The following CPB1 variants were observed in gnomAD, a reference collection of about 807,000 sequenced individuals.
CPB1 encodes the protein carboxypeptidase B1, also known as carboxypeptidase B.
In CPB1, 53 loss-of-function variants were observed where a neutral mutation model predicts 51.4. That is an observed-to-expected ratio of 1.03 (90% CI 0.83 to 1.30). The LOEUF (loss-of-function observed/expected upper bound fraction) is 1.30. Ranked by LOEUF, CPB1 falls within the 50% of genes most tolerant of loss-of-function variation. CPB1 has a pLI of 0.00. For synonymous variants in CPB1, 189 were observed against 186.9 expected (o/e 1.01, Z -0.09); for missense variants, 494 against 516.2 (o/e 0.96, Z 0.42).
intron 9 of CPB1, among the ~76,000 whole-genome samples, chr3:148,847,082 T>C (rs1482774345): frequency 2.7e-5 from 4 of 149,934 alleles, no homozygotes; most frequent in African/African-American, 9.8e-5. Flanking sequence ...TACTAATGAG[T>C]TAATTAAAAT....
intron 10 of CPB1, among the ~76,000 whole-genome samples, chr3:148,857,789 C>T (rs1713625874): frequency 1.3e-5 from 2 of 151,996 alleles, no homozygotes; most frequent in South Asian, 4.2e-4. Context: ...ATCCCAGCTA[C>T]TCAGGAGGCT....
At chr3:148,845,760 T>C (rs1001091780) in intron 9 of CPB1, 134 bp downstream of exon 9, 1 of 682,740 alleles carries the variant, frequency 1.5e-6, no homozygotes, top group African/African-American at 1.8e-5. Flanking sequence ...ATTGAAAAAC[T>C]TATTACAGAT....
chr3:148,855,546 T>G (rs888061672), intron 9 of CPB1: 1 of 152,234 alleles, frequency 6.6e-6, no homozygotes, highest in African/African-American at 2.4e-5. Context: ...TTTGGTTTTG[T>G]CTGAAAACTG....
At chr3:148,856,262 T>C (rs1418520204) in intron 9 of CPB1, 4 of 152,174 alleles carry the variant, frequency 2.6e-5, no homozygotes, top group African/African-American at 9.7e-5. Context: ...GAACAGAAAA[T>C]AATGAGTTAC....
chr3:148,832,774 T>C (rs1266007858), intron 2 of CPB1, among the ~76,000 whole-genome samples: 1 of 152,140 alleles, frequency 6.6e-6, no homozygotes, highest in East Asian at 1.9e-4. Context: ...CTTTTCCCAG[T>C]TCTACAGGAA....
At chr3:148,840,625 T>C in intron 3 of CPB1, 61 bp from the exon 4 acceptor site, 1 of 1,416,146 alleles carries the variant, frequency 7.1e-7, no homozygotes, top group Non-Finnish European at 1.0e-6. Flanking sequence ...GGGTTTTATG[T>C]GTGTTCACTG....
chr3:148,849,395 T>C (rs374821993), intron 9 of CPB1, among the ~76,000 whole-genome samples: 31 of 152,190 alleles, frequency 2.0e-4, no homozygotes, highest in African/African-American at 7.5e-4. Flanking sequence ...ACAATGAATT[T>C]AGATTTCCAA....
rs1192396625 is a variant in CPB1 at position 148,840,715 on chromosome 3, T to C, written c.302T>C (p.Val101Ala). 4 of 1,614,132 alleles carry C rather than the reference T, an allele frequency of 2.5e-6. No homozygotes were observed. Among genetic ancestry groups the C allele is most frequent in the Non-Finnish European group, 2.5e-6 (3 of 1,179,998 alleles). ...KVLISNLRNVVEAQFDSRVRA... is the reference protein window; with the variant it reads ...KVLISNLRNVAEAQFDSRVRA... ...CTGATAAGCAACCTGAGAAATGTGG[T>C]GGAGGCTCAGTTTGATAGCCGGGTT... Residue 101 changes from valine (V) to alanine (A), a missense_variant, in exon 4 of 11, where the codon GTG (valine) becomes GCG (alanine). Transcript: ENST00000282957.
intron 3 of CPB1, 140 bp from the exon 4 acceptor site, chr3:148,840,546 G>T (rs1713044286): frequency 2.8e-6 from 2 of 703,180 alleles, no homozygotes; most frequent in Non-Finnish European, 5.0e-6. Context: ...AGGTCATCAG[G>T]AAGAACCAGA....
chr3:148,841,862 G>A lies in CPB1; in HGVS notation c.514G>A (p.Asp172Asn). 1 of 1,613,998 alleles carries A rather than the reference G, an allele frequency of 6.2e-7. No individual in the cohort carries two copies. The highest frequency in any genetic ancestry group is 2.2e-5 in the East Asian group (1 of 44,870). ...ACAAAATAAGCCTGCCATTTTCATG[G>A]ACTGTGGTTTCCATGCCAGAGAGTG... Reference protein sequence around the residue: ...AGQNKPAIFMDCGFHAREWIS... With the variant: ...AGQNKPAIFMNCGFHAREWIS... Residue 172 changes from aspartate to asparagine, a missense_variant, in exon 6 of 11, where the codon GAC (aspartate) becomes AAC (asparagine). Physicochemically the swap from Asp to Asn is conservative, Grantham distance 23 (BLOSUM62 1). Coordinates refer to ENST00000282957, the MANE Select transcript of CPB1 (RefSeq NM_001871.3).
At chr3:148,828,778 G>T (rs1486505702) in intron 2 of CPB1, among the ~76,000 whole-genome samples, 1 of 152,066 alleles carries the variant, frequency 6.6e-6, no homozygotes, top group African/African-American at 2.4e-5. Flanking sequence ...AAAATAATCT[G>T]CTAGCTTATA....
intron 3 of CPB1, among the ~76,000 whole-genome samples, chr3:148,839,447 C>A (rs1287357922): frequency 2.0e-5 from 3 of 152,182 alleles, no homozygotes; most frequent in Non-Finnish European, 2.9e-5. Flanking sequence ...AATACACTCA[C>A]AAAGCATTGG....
intron 8 of CPB1, 129 bp downstream of exon 8, chr3:148,844,896 C>T (rs992538268): frequency 2.6e-6 from 2 of 778,616 alleles, no homozygotes; most frequent in East Asian, 2.7e-5. Flanking sequence ...TCTAAAAGCA[C>T]CAAAAAAAAA....
chr3:148,845,628 T>G lies in CPB1; in HGVS notation c.981+2T>G, dbSNP rs866231841. On this transcript the variant is annotated splice_donor_variant, in intron 9 of 10. Transcript: ENST00000282957. LOFTEE classifies it high-confidence loss of function. ...CTCGGTGAGAACAATGCTGAGTTGG[T>G]AAGTAGCAAAGTAGTAGGTATGACA... The G allele has an allele frequency of 5.0e-6, 8 of 1,609,476 alleles. No homozygotes were observed. Among genetic ancestry groups the G allele is most frequent in the Non-Finnish European group, 6.8e-6 (8 of 1,175,856 alleles).
In CPB1 at chr3:148,845,522, A is replaced by G. The variant is rs1409697431; in HGVS notation, c.877A>G (p.Lys293Glu). 1 of 1,613,944 alleles carries G rather than the reference A, an allele frequency of 6.2e-7. No individual in the cohort carries two copies. The highest frequency in any genetic ancestry group is 8.5e-7 in the Non-Finnish European group (1 of 1,179,868). The change falls in exon 9 of 11, where the codon AAA (lysine) becomes GAA (glutamate). Residue 293 changes from lysine (K) to glutamate (E), a missense_variant. Transcript: ENST00000282957. ...TKALADFIRNKLSSIKAYLTI... is the reference protein window; with the variant it reads ...TKALADFIRNELSSIKAYLTI... ...GGCCCTGGCTGATTTCATCCGCAAC[A>G]AACTCTCTTCCATCAAGGCATATCT...
intron 3 of CPB1, 133 bp from the exon 4 acceptor site, chr3:148,840,553 C>G: frequency 1.4e-6 from 1 of 730,928 alleles, no homozygotes; most frequent in South Asian, 1.7e-5. Flanking sequence ...CAGGAAGAAC[C>G]AGAGGACAAC....
intron 10 of CPB1, among the ~76,000 whole-genome samples, chr3:148,858,189 C>T (rs1484229489): frequency 6.6e-6 from 1 of 152,142 alleles, no homozygotes; most frequent in East Asian, 1.9e-4. Flanking sequence ...ACCCAAAGAC[C>T]AACCAACCCC....
At chr3:148,851,334 C>CAAAAAAAAAAACAAAAAAACAAAAAA (rs1713422442) in intron 9 of CPB1, 1 of 82,082 alleles carries the variant, frequency 1.2e-5, no homozygotes. Flanking sequence ...GACCCTGTCT[C>CAAAAAAAAAAACAAAAAAACAAAAAA]AAAAAAAAAA....
At position 148,841,815 on chromosome 3, in the gene CPB1, T is replaced by C. The variant is rs771200071; in HGVS notation, c.475-8T>C. 5.0e-6 allele frequency: 8 copies of C among 1,612,236 alleles called. No individual in the cohort carries two copies. The highest frequency in any genetic ancestry group is 6.8e-6 in the Non-Finnish European group (8 of 1,178,360). ...TCATGGTTTCCCTTTTCCTTTTGTT[T>C]GCAATAGGTTGGCAAAGCTGGACAA... On this transcript the variant is annotated splice_region_variant and splice_polypyrimidine_tract_variant and intron_variant, in intron 5 of 10. Coordinates refer to ENST00000282957, the MANE Select transcript of CPB1 (RefSeq NM_001871.3).
Sources: allele counts gnomAD v4.1 joint callset (sites outside exome capture counted in the v4.1 genomes callset), GRCh38; gene constraint gnomAD v4.1.1; transcripts MANE v1.5; gene names NCBI Gene and HGNC (gene_info 2026-07-23, HGNC 2026-07-21).